DZIP3: variants seen among roughly 807,000 people sequenced by gnomAD.
The protein encoded by DZIP3 is DAZ interacting zinc finger protein 3.
Under a neutral mutation model 162.0 loss-of-function variants are expected in DZIP3, and 118 were observed. The observed-to-expected ratio is 0.73, with a 90% CI of 0.63 to 0.85. DZIP3 has a LOEUF of 0.85. Among genes scored for constraint, DZIP3 ranks in the 40% least tolerant of loss-of-function variants. The pLI is 0.00. For missense variants in DZIP3, 1,331 were observed against 1,407.0 expected (o/e 0.95, Z 0.86); for synonymous variants, 438 against 458.6 (o/e 0.96, Z 0.57).
At chr3:108,656,496 GTCA>G (rs1559762369) in intron 19 of DZIP3, among the ~76,000 whole-genome samples, 2 of 152,050 alleles carry the variant, frequency 1.3e-5, no homozygotes, top group South Asian at 2.1e-4. Context: ...CCATCTGTAC[GTCA>G]TCATCATCAA....
intron 7 of DZIP3, 115 bp downstream of exon 7, chr3:108,626,084 C>G (rs1576377971): frequency 8.4e-7 from 1 of 1,186,998 alleles, no homozygotes; most frequent in East Asian, 2.6e-5. Context: ...CTGTTTTATC[C>G]TTTTCTTCTT....
chr3:108,605,312 TA>T, intron 1 of DZIP3, 22 bp from the exon 2 acceptor site: 1 of 1,515,860 alleles, frequency 6.6e-7, no homozygotes, highest in Non-Finnish European at 9.1e-7. Context: ...CCTATCTTCA[TA>T]AAAATATTAT....
chr3:108,661,855 G>A, intron 19 of DZIP3, 22 bp from the exon 20 acceptor site: 3 of 1,579,050 alleles, frequency 1.9e-6, no homozygotes, highest in Non-Finnish European at 2.6e-6. Context: ...AATAATACAT[G>A]CATATTTCCT....
Position 108,644,379 on chromosome 3 carries a change from T to C in DZIP3, c.1357T>C (p.Tyr453His), listed in dbSNP as rs763626449. 7 of 1,613,984 alleles carry C rather than the reference T, an allele frequency of 4.3e-6. No homozygotes were observed. The highest frequency in any genetic ancestry group is 1.3e-5 in the African/African-American group (1 of 74,932). The change falls in exon 14 of 33, where the codon TAT becomes CAT. Residue 453 changes from tyrosine (Y) to histidine (H), a missense_variant. Around this residue, in one of 2 missense-constraint regions of DZIP3, gnomAD observed 1,278 missense variants for 1,317.1 expected, o/e 0.97. Transcript: ENST00000361582. The stretch of plus-strand genomic sequence containing the variant: ...TTTGGGTGGATCATGGCATCTGCTT[T>C]ATCCTCCTAACAAGGAGTTACCGCA... The part of the protein sequence containing the change: ...HPLGGSWHLL[Y>H]PPNKELPQSK...
Position 108,647,923 on chromosome 3 carries a change from A to AATTTTTTTTT in DZIP3, c.1793-20_1793-19insATTTTTTTTT. ...AATTGCTTTCATCTAGATTTTGAGA[A>AATTTTTTTTT]TTTTGTCTTTTATGTTTAGGTATTG... On this transcript the variant is annotated intron_variant, in intron 15 of 32. Coordinates refer to ENST00000361582, the MANE Select transcript of DZIP3 (RefSeq NM_014648.4). 1 of 1,484,266 alleles carries AATTTTTTTTT rather than the reference A, an allele frequency of 6.7e-7. No homozygotes were observed. Among genetic ancestry groups the AATTTTTTTTT allele is most frequent in the Middle Eastern group, 2.2e-4 (1 of 4,622 alleles). 91.9% of individuals were successfully genotyped at this position (1,484,266 alleles called of 1,614,324 possible).
chr3:108,631,069 T>A (rs373202559), intron 8 of DZIP3, among the ~76,000 whole-genome samples: 73 of 94,546 alleles, frequency 7.7e-4, no homozygotes, highest in South Asian at 1.5e-3. Flanking sequence ...TCTCTCTCTC[T>A]CTCTCTCTCT....
chr3:108,600,004 T>A (rs1939917215), intron 1 of DZIP3, among the ~76,000 whole-genome samples: 1 of 152,164 alleles, frequency 6.6e-6, no homozygotes. Context: ...CTAGCAGATG[T>A]ACTCAGATCA....
intron 8 of DZIP3, among the ~76,000 whole-genome samples, chr3:108,631,055 A>ACACACACACACACATACT: frequency 1.1e-4 from 2 of 18,006 alleles, no homozygotes; most frequent in Non-Finnish European, 1.8e-4. Flanking sequence ...ACACACACAC[A>ACACACACACACACATACT]CTCTCTCTCT....
chr3:108,622,024 C>A lies in DZIP3; in HGVS notation c.376-2420C>A, dbSNP rs561615650. Among the ~76,000 whole-genome samples the A allele has an allele frequency of 1.1e-4, 16 of 150,992 alleles. 1 individual carries two copies. The highest frequency in any genetic ancestry group is 6.6e-4 in the Admixed American group (10 of 15,142). ...ATCAGCCTGGGTAATAGTGTGAGAC[C>A]CCATCTCTAAAAAAAAAAAAAATTA... On this transcript the variant is annotated intron_variant, in intron 5 of 32. Transcript: ENST00000361582.
chr3:108,619,122 G>A (rs1941187986), intron 5 of DZIP3, among the ~76,000 whole-genome samples: 1 of 144,244 alleles, frequency 6.9e-6, no homozygotes, highest in Non-Finnish European at 1.5e-5. Flanking sequence ...ATCATTCTAT[G>A]TACCTAGAAA....
intron 23 of DZIP3, among the ~76,000 whole-genome samples, chr3:108,673,756 A>G (rs1014096448): frequency 2.0e-5 from 3 of 151,988 alleles, no homozygotes; most frequent in Non-Finnish European, 2.9e-5. Context: ...CCCAAGCTAT[A>G]CTCAGTATCA....
At chr3:108,649,980 A>C (rs1381355757) in intron 17 of DZIP3, among the ~76,000 whole-genome samples, 1 of 151,820 alleles carries the variant, frequency 6.6e-6, no homozygotes, top group Non-Finnish European at 1.5e-5. Flanking sequence ...TTTTGATGAT[A>C]TTTTTAATTT....
At chr3:108,635,681 A>G (rs185767959) in intron 10 of DZIP3, among the ~76,000 whole-genome samples, 1 of 147,920 alleles carries the variant, frequency 6.8e-6, no homozygotes, top group Middle Eastern at 3.3e-3. Context: ...AATATATAAC[A>G]TAACTGTTAT....
intron 1 of DZIP3, among the ~76,000 whole-genome samples, chr3:108,595,581 G>A (rs1200851435): frequency 6.6e-6 from 1 of 152,240 alleles, no homozygotes; most frequent in Non-Finnish European, 1.5e-5. Context: ...TATAGTTTCA[G>A]AAATACACCT....
chr3:108,666,511 A>G (rs1391408710), intron 21 of DZIP3, among the ~76,000 whole-genome samples: 3 of 152,190 alleles, frequency 2.0e-5, no homozygotes, highest in Non-Finnish European at 4.4e-5. Context: ...AGGATATAGA[A>G]GACCTCAATA....
intron 19 of DZIP3, among the ~76,000 whole-genome samples, chr3:108,659,353 A>C (rs1037046896): frequency 6.6e-6 from 1 of 152,252 alleles, no homozygotes; most frequent in Non-Finnish European, 1.5e-5. Context: ...CAAATCAATA[A>C]ATCCAGCATA....
At chr3:108,648,866 C>G in intron 16 of DZIP3, 52 bp from the exon 17 acceptor site, 1 of 1,022,460 alleles carries the variant, frequency 9.8e-7, no homozygotes, top group Non-Finnish European at 1.3e-6. Flanking sequence ...TGCAAAATAA[C>G]CCATTGGGCA....
intron 19 of DZIP3, among the ~76,000 whole-genome samples, chr3:108,655,819 G>A (rs909086437): frequency 1.3e-5 from 2 of 152,196 alleles, no homozygotes; most frequent in Non-Finnish European, 2.9e-5. Context: ...TTTTCTGACG[G>A]TCTCAGCAAA....
At position 108,642,606 on chromosome 3, in the gene DZIP3, T is replaced by C. The variant is rs369514104; in HGVS notation, c.1141+92T>C. Reference sequence around the variant, plus strand: ...TTTCATGCCATTAACAACCACGTCTTTACTGTGTTTGTCATTCACTGAGCT... The same window carrying C: ...TTTCATGCCATTAACAACCACGTCTCTACTGTGTTTGTCATTCACTGAGCT... On this transcript the variant is annotated intron_variant, in intron 13 of 32. Coordinates refer to ENST00000361582, the MANE Select transcript of DZIP3 (RefSeq NM_014648.4). The C allele has an allele frequency of 5.7e-5, 74 of 1,291,916 alleles. 2 individuals carry two copies. In the South Asian group the frequency reaches 6.7e-4, roughly 12 times the overall value. The allele number at this position is 1,291,916 out of a possible 1,614,324, so 80.0% of individuals were successfully genotyped here. A position where few individuals can be genotyped will look rare whatever the true frequency, so the allele number is the denominator to read the frequency against.
Sources: gnomAD v4.1 joint callset for allele counts (sites outside exome capture counted in the v4.1 genomes callset) on GRCh38, gnomAD v4.1.1 for gene constraint, gnomAD v4.1.1 regional missense constraint, MANE v1.5 for transcripts, NCBI Gene and HGNC (gene_info 2026-07-23, HGNC 2026-07-21) for gene names.